Variants in NBEA observed in about 807,000 individuals in gnomAD.
The protein encoded by NBEA is neurobeachin.
In NBEA, 44 loss-of-function variants were observed where a neutral mutation model predicts 343.4. The observed-to-expected ratio is 0.13, with a 90% CI of 0.10 to 0.16. NBEA has a LOEUF of 0.16. Among genes scored for constraint, NBEA ranks in the 10% least tolerant of loss-of-function variants. The pLI, the probability that NBEA is intolerant of heterozygous loss-of-function variation, is 1.00. For synonymous variants in NBEA, 1,175 were observed against 1,238.7 expected (o/e 0.95, Z 1.08); for missense variants, 2,555 against 3,631.3 (o/e 0.70, Z 7.62).
chr13:35,350,002 A>G (rs1386867547), intron 37 of NBEA, among the ~76,000 whole-genome samples: 3 of 152,244 alleles, frequency 2.0e-5, no homozygotes, highest in Middle Eastern at 3.4e-3. Flanking sequence ...GTCTTGTGAA[A>G]TTGCAACAAC....
At chr13:35,659,563 TTA>T (rs2084972211) in intron 55 of NBEA, among the ~76,000 whole-genome samples, 2 of 152,296 alleles carry the variant, frequency 1.3e-5, no homozygotes, top group African/African-American at 4.8e-5. Context: ...CTCAGAAATA[TTA>T]GTCTTTTTCT....
chr13:35,372,355 C>T (rs959550410), intron 38 of NBEA, among the ~76,000 whole-genome samples: 2 of 152,108 alleles, frequency 1.3e-5, no homozygotes, highest in Non-Finnish European at 2.9e-5. Flanking sequence ...GTGGGCCCAT[C>T]CTTAGGCCCC....
At chr13:35,330,296 A>T (rs2038848147) in intron 36 of NBEA, among the ~76,000 whole-genome samples, 1 of 152,110 alleles carries the variant, frequency 6.6e-6, no homozygotes, top group Admixed American at 6.6e-5. Flanking sequence ...TTTCTGGAAC[A>T]TAATAAAGAC....
At chr13:35,404,898 G>A (rs553177910) in intron 38 of NBEA, among the ~76,000 whole-genome samples, 124 of 152,044 alleles carry the variant, frequency 8.2e-4, no homozygotes, top group African/African-American at 2.7e-3. Context: ...TTGCCAATTC[G>A]ATAAGCATTA....
chr13:35,413,206 G>A (rs193069581), intron 38 of NBEA, among the ~76,000 whole-genome samples: 2 of 152,216 alleles, frequency 1.3e-5, no homozygotes, highest in African/African-American at 2.4e-5. Flanking sequence ...TTTAAAATGT[G>A]TATTGAAGGA....
chr13:35,549,151 CA>C (rs1169501642), intron 41 of NBEA, among the ~76,000 whole-genome samples: 1 of 151,968 alleles, frequency 6.6e-6, no homozygotes, highest in Non-Finnish European at 1.5e-5. Flanking sequence ...TGACTGCCTC[CA>C]AAAACCTTTC....
chr13:35,509,338 T>A (rs1404078545), intron 41 of NBEA, among the ~76,000 whole-genome samples: 1 of 152,156 alleles, frequency 6.6e-6, no homozygotes, highest in African/African-American at 2.4e-5. Context: ...AGGGAAGTTC[T>A]CTGTCCCAGG....
At chr13:34,981,401 A>G (rs1012628883) in intron 1 of NBEA, among the ~76,000 whole-genome samples, 1 of 152,240 alleles carries the variant, frequency 6.6e-6, no homozygotes, top group Admixed American at 6.5e-5. Context: ...GATACCTAGA[A>G]GTGAAATTCT....
At chr13:35,593,228 T>G in intron 46 of NBEA, 100 bp from the exon 47 acceptor site, 1 of 1,368,832 alleles carries the variant, frequency 7.3e-7, no homozygotes, top group Non-Finnish European at 9.9e-7. Flanking sequence ...CTGATCTGCC[T>G]CCACATCTTG....
chr13:35,452,843 T>G (rs962759909), intron 40 of NBEA, among the ~76,000 whole-genome samples: 2 of 152,162 alleles, frequency 1.3e-5, no homozygotes, highest in African/African-American at 2.4e-5. Context: ...CTTTTTTGGG[T>G]TTTAAGCCAC....
chr13:35,171,475 G>A, intron 26 of NBEA, 23 bp downstream of exon 26: 1 of 1,579,248 alleles, frequency 6.3e-7, no homozygotes, highest in Non-Finnish European at 8.6e-7. Context: ...AAACAATAGT[G>A]CATGTCAAAT....
At chr13:35,409,623 T>C in intron 38 of NBEA, among the ~76,000 whole-genome samples, 1 of 152,292 alleles carries the variant, frequency 6.6e-6, no homozygotes, top group Non-Finnish European at 1.5e-5. Flanking sequence ...TAATAAGTTA[T>C]CATACTTTAA....
At chr13:35,055,710 T>G (rs2063229874) in intron 6 of NBEA, among the ~76,000 whole-genome samples, 1 of 152,176 alleles carries the variant, frequency 6.6e-6, no homozygotes, top group Admixed American at 6.6e-5. Flanking sequence ...AATGTAAATT[T>G]TAAATGAATG....
chr13:35,212,100 CTCA>C (rs1036521362), intron 33 of NBEA, among the ~76,000 whole-genome samples: 7 of 152,064 alleles, frequency 4.6e-5, no homozygotes, highest in African/African-American at 9.7e-5. Flanking sequence ...AATGAACACA[CTCA>C]TCATCAACAA....
At chr13:35,288,655 G>T (rs1256214734) in intron 34 of NBEA, among the ~76,000 whole-genome samples, 1 of 151,788 alleles carries the variant, frequency 6.6e-6, no homozygotes, top group African/African-American at 2.4e-5. Context: ...TTAAAAATTG[G>T]TTTCTGAGAA....
At chr13:35,384,104 G>C (rs1439966569) in intron 38 of NBEA, among the ~76,000 whole-genome samples, 1 of 152,138 alleles carries the variant, frequency 6.6e-6, no homozygotes, top group Non-Finnish European at 1.5e-5. Context: ...CACCCATACT[G>C]AGTGAGGTAG....
intron 38 of NBEA, among the ~76,000 whole-genome samples, chr13:35,428,304 C>T (rs2044850404): frequency 6.6e-6 from 1 of 152,176 alleles, no homozygotes; most frequent in African/African-American, 2.4e-5. Flanking sequence ...TTTTTTTGGA[C>T]ATTGTTTCAG....
In NBEA at chr13:35,292,096, C is replaced by T. The variant is rs1029485155; in HGVS notation, c.5838+1646C>T. On this transcript the variant is annotated intron_variant, in intron 35 of 58. Coordinates refer to ENST00000379939, the MANE Select transcript of NBEA (RefSeq NM_001385012.1). Reference sequence around the variant, plus strand: ...TTCTGTTTAACTGAAATAATGCTTTCGACTAAATATTTTTAATGAAACAAA... The same window carrying T: ...TTCTGTTTAACTGAAATAATGCTTTTGACTAAATATTTTTAATGAAACAAA... Among the ~76,000 whole-genome samples, 6 of 151,776 alleles carry T rather than the reference C, an allele frequency of 4.0e-5. No homozygotes were observed. In the South Asian group the frequency reaches 6.2e-4, roughly 16 times the overall value.
intron 41 of NBEA, among the ~76,000 whole-genome samples, chr13:35,519,632 A>AT (rs60419533): frequency 6.6e-6 from 1 of 151,920 alleles, no homozygotes; most frequent in Non-Finnish European, 1.5e-5. Context: ...TAATTCATTT[A>AT]TTTTTTTTAA....
Sources: gnomAD v4.1 joint callset for allele counts (sites outside exome capture counted in the v4.1 genomes callset) on GRCh38, gnomAD v4.1.1 for gene constraint, MANE v1.5 for transcripts, NCBI Gene and HGNC (gene_info 2026-07-23, HGNC 2026-07-21) for gene names.